The following NIPBL variants were observed in gnomAD, a reference collection of about 807,000 sequenced individuals.
NIPBL encodes NIPBL cohesin loading factor.
In NIPBL, 19 loss-of-function variants were observed where a neutral mutation model predicts 321.8. The ratio of observed to expected loss-of-function variants is 0.06; its 90% CI spans 0.04 to 0.09. NIPBL has a LOEUF of 0.09. NIPBL is among the 10% of genes least tolerant of loss of function. The pLI is 1.00. For missense variants in NIPBL, 2,210 were observed against 3,327.0 expected, an observed-to-expected ratio of 0.66 and a Z score of 8.26; for synonymous variants, 1,106 against 1,114.1, an observed-to-expected ratio of 0.99 and a Z score of 0.14.
chr5:36,902,590 C>T (rs575740934), intron 1 of NIPBL, among the ~76,000 whole-genome samples: 1 of 152,070 alleles, frequency 6.6e-6, no homozygotes, highest in East Asian at 1.9e-4. Flanking sequence ...CTCACCTGTT[C>T]CATTTGTCTG....
At chr5:37,032,948 A>G (rs1290255841) in intron 32 of NIPBL, among the ~76,000 whole-genome samples, 1 of 152,228 alleles carries the variant, frequency 6.6e-6, no homozygotes, top group Non-Finnish European at 1.5e-5. Flanking sequence ...ATATTTTTTA[A>G]GTGAGCAAGC....
At chr5:37,053,306 A>G (rs983490518) in intron 42 of NIPBL, among the ~76,000 whole-genome samples, 1 of 151,264 alleles carries the variant, frequency 6.6e-6, no homozygotes, top group African/African-American at 2.4e-5. Context: ...AACATATCTA[A>G]ACATAGAAAA....
At position 37,036,347 on chromosome 5, in the gene NIPBL, G is replaced by GTA. The variant is rs10554564; in HGVS notation, c.5863-12_5863-11dup. On this transcript the variant is annotated intron_variant, in intron 32 of 46. Coordinates refer to ENST00000282516, the MANE Select transcript of NIPBL (RefSeq NM_133433.4). ...TTTTTTCTTTTTTGTATATATATAT[G>GTA]TATATATATATATATATATATGTAT... is the stretch of plus-strand genomic sequence containing the variant. The GTA allele has an allele frequency of 0.02, 7,457 of 378,608 alleles. 6 individuals carry two copies. Among genetic ancestry groups the GTA allele is most frequent in the South Asian group, 0.031 (447 of 14,358 alleles). 23.5% of individuals were successfully genotyped at this position (378,608 alleles called of 1,614,324 possible). A position where few individuals can be genotyped will look rare whatever the true frequency, so the allele number is the denominator to read the frequency against.
rs553388602 is a variant in NIPBL, at chr5:37,009,333, G to A, written c.4421+610G>A. On this transcript the variant is annotated intron_variant, in intron 20 of 46. Coordinates refer to ENST00000282516, the MANE Select transcript of NIPBL (RefSeq NM_133433.4). ...TCACTAAGCACACTGTTAATAAGGA[G>A]TGTTACCCACTGCTATGGTCAGCAT... Among the ~76,000 whole-genome samples, 17 of 152,242 alleles carry A rather than the reference G, an allele frequency of 1.1e-4. No homozygotes were observed. In the South Asian group the frequency reaches 3.5e-3, roughly 32 times the overall value.
At chr5:36,987,187 A>C (rs1033494761) in intron 10 of NIPBL, among the ~76,000 whole-genome samples, 1 of 152,134 alleles carries the variant, frequency 6.6e-6, no homozygotes, top group African/African-American at 2.4e-5. Context: ...TACAGTCTAA[A>C]TATACTGAGG....
intron 45 of NIPBL, among the ~76,000 whole-genome samples, chr5:37,061,987 G>T (rs191202976): frequency 1.3e-5 from 2 of 152,028 alleles, no homozygotes; most frequent in Non-Finnish European, 2.9e-5. Context: ...GATTACAGGC[G>T]CCAGCCACCA....
At chr5:36,885,257 T>C in intron 1 of NIPBL, 1 of 525,604 alleles carries the variant, frequency 1.9e-6, no homozygotes, top group Non-Finnish European at 3.9e-6. Context: ...GTTCCTGGGC[T>C]CTGTCCAGCC....
chr5:36,968,547 C>T (rs1460306402), intron 6 of NIPBL, among the ~76,000 whole-genome samples: 2 of 151,340 alleles, frequency 1.3e-5, no homozygotes, highest in Non-Finnish European at 2.9e-5. Context: ...AGCAAGACTC[C>T]GTCTCAAAAA....
chr5:36,910,007 C>T (rs1034552863), intron 1 of NIPBL, among the ~76,000 whole-genome samples: 4 of 151,280 alleles, frequency 2.6e-5, no homozygotes, highest in African/African-American at 9.7e-5. Context: ...ACCTGGGAGG[C>T]AGAGGGTGCA....
chr5:36,880,871 T>C (rs2149514429), intron 1 of NIPBL, among the ~76,000 whole-genome samples: 1 of 152,172 alleles, frequency 6.6e-6, no homozygotes, highest in South Asian at 2.1e-4. Flanking sequence ...AATGATGAAA[T>C]ACTTGACACT....
intron 1 of NIPBL, among the ~76,000 whole-genome samples, chr5:36,904,379 G>A (rs189605634): frequency 2.0e-5 from 3 of 152,322 alleles, no homozygotes; most frequent in African/African-American, 7.2e-5. Flanking sequence ...TGAGGCAGGA[G>A]AATCACTTGA....
intron 42 of NIPBL, among the ~76,000 whole-genome samples, chr5:37,054,056 C>T (rs571318064): frequency 9.2e-5 from 14 of 151,944 alleles, no homozygotes; most frequent in Non-Finnish European, 1.5e-4. Context: ...ATTAGCCGGG[C>T]GTGGTGGCAC....
At chr5:36,925,853 T>A (rs1238218820) in intron 1 of NIPBL, among the ~76,000 whole-genome samples, 6 of 152,174 alleles carry the variant, frequency 3.9e-5, no homozygotes, top group Non-Finnish European at 8.8e-5. Context: ...TCTTACTTAT[T>A]TCTGTCCAAC....
At position 37,066,190 on chromosome 5, in the gene NIPBL, A is replaced by G. The variant is rs1175497117; in HGVS notation, c.*1298A>G. Reference sequence around the variant, plus strand: ...TAATCATTTGATATGTATAGTTGACACTCAGGAATAGTAATGCCTAAAATT... The same window carrying G: ...TAATCATTTGATATGTATAGTTGACGCTCAGGAATAGTAATGCCTAAAATT... On this transcript the variant is annotated 3_prime_UTR_variant, in exon 47 of 47. Transcript: ENST00000282516. 1.3e-5 allele frequency: 2 copies of G among 152,162 alleles called. No homozygotes were observed. The highest frequency in any genetic ancestry group is 4.8e-5 in the African/African-American group (2 of 41,456). 9.4% of individuals were successfully genotyped at this position (152,162 alleles called of 1,614,324 possible).
intron 1 of NIPBL, among the ~76,000 whole-genome samples, chr5:36,929,615 G>T (rs971429297): frequency 9.2e-5 from 14 of 151,844 alleles, no homozygotes; most frequent in Admixed American, 2.6e-4. Flanking sequence ...TGTTATCTAA[G>T]AACTCTGCCT....
intron 10 of NIPBL, among the ~76,000 whole-genome samples, chr5:36,991,507 A>G (rs1399331500): frequency 6.6e-6 from 1 of 152,056 alleles, no homozygotes; most frequent in African/African-American, 2.4e-5. Flanking sequence ...TATTTTTCTC[A>G]CCGTGTATAC....
At chr5:36,907,954 A>G (rs1406228545) in intron 1 of NIPBL, among the ~76,000 whole-genome samples, 1 of 152,204 alleles carries the variant, frequency 6.6e-6, no homozygotes, top group South Asian at 2.1e-4. Flanking sequence ...TAGTAAAAAA[A>G]CATGCAGCTA....
intron 9 of NIPBL, 106 bp downstream of exon 9, chr5:36,976,508 A>T: frequency 1.8e-6 from 2 of 1,091,972 alleles, no homozygotes; most frequent in Non-Finnish European, 2.7e-6. Context: ...TGTATAATTT[A>T]TGTCTACTCA....
At chr5:36,881,960 A>G (rs1198592110) in intron 1 of NIPBL, among the ~76,000 whole-genome samples, 3 of 151,958 alleles carry the variant, frequency 2.0e-5, no homozygotes, top group Admixed American at 6.6e-5. Context: ...CATTTCATTC[A>G]TAGAAATGTA....
Sources: gnomAD v4.1 joint callset for allele counts (sites outside exome capture counted in the v4.1 genomes callset) on GRCh38, gnomAD v4.1.1 for gene constraint, MANE v1.5 for transcripts, NCBI Gene and HGNC (gene_info 2026-07-23, HGNC 2026-07-21) for gene names.